The following PRR7 variants were observed in gnomAD, a reference collection of about 807,000 sequenced individuals.
PRR7 encodes the protein proline rich 7, synaptic, also known as proline-rich protein 7.
In PRR7, 8 loss-of-function variants were observed where a neutral mutation model predicts 18.5. That is an observed-to-expected ratio of 0.43 (90% CI 0.25 to 0.78). PRR7 has a LOEUF of 0.78. Among genes scored for constraint, PRR7 ranks in the 30% least tolerant of loss-of-function variants. The pLI, the probability that PRR7 is intolerant of heterozygous loss-of-function variation, is 0.22. For missense variants in PRR7, 396 were observed against 403.1 expected (o/e 0.98, Z 0.15); for synonymous variants, 221 against 187.7 (o/e 1.18, Z -1.45).
At chr5:177,453,535 T>C (rs987934963) in intron 1 of PRR7, among the ~76,000 whole-genome samples, 1 of 152,192 alleles carries the variant, frequency 6.6e-6, no homozygotes, top group Non-Finnish European at 1.5e-5. Context: ...AGGAGCCATC[T>C]GGGGAGAAGT....
rs57278748 is a variant in PRR7, at chr5:177,450,813, C to CG, written c.-324-3140dup. 2.5e-3 allele frequency among the ~76,000 whole-genome samples: 379 copies of CG among 152,310 alleles called. 3 individuals carry two copies. Among genetic ancestry groups the CG allele is most frequent in the African/African-American group, 7.7e-3 (321 of 41,566 alleles). The stretch of plus-strand genomic sequence containing the variant: ...TGGAAATTTGTTTAAAATGCAAACT[C>CG]GGGCCCCATCCTAGACCTACTGAAT... On this transcript the variant is annotated intron_variant, in intron 1 of 3. Transcript: ENST00000323249. This position sits in a 1 kb window ranked among gnomAD's most constrained non-coding sequence, Gnocchi z 6.6.
chr5:177,455,981 C>G lies in PRR7; in HGVS notation c.685C>G (p.Leu229Val), dbSNP rs1378600810. ...TCGGCCCGCGCCGCCCTGCCCAGCC[C>G]TCTGCCTGCAGGCCGACCGTGGCCG... ...APRPAPPCPA[L>V]CLQADRGRRV... The change falls in exon 4 of 4, where the codon CTC becomes GTC. Residue 229 changes from leucine to valine, a missense_variant. Around this residue, in one of 2 missense-constraint regions of PRR7, gnomAD observed 383 missense variants for 372.6 expected, o/e 1.03. Coordinates refer to ENST00000323249, the MANE Select transcript of PRR7 (RefSeq NM_030567.5). This position sits in a 1 kb window ranked among gnomAD's most constrained non-coding sequence, Gnocchi z 6.9. 5.7e-6 allele frequency: 9 copies of G among 1,590,078 alleles called. No homozygotes were observed. The Admixed American group carries it at 8.6e-5, about 15-fold the overall frequency.
At chr5:177,453,668 C>T (rs1756260497) in intron 1 of PRR7, among the ~76,000 whole-genome samples, 1 of 152,064 alleles carries the variant, frequency 6.6e-6, no homozygotes, top group African/African-American at 2.4e-5. Flanking sequence ...TGGAAGAGGC[C>T]CACAAAGTAG....
Position 177,449,617 on chromosome 5 carries a change from C to G in PRR7, c.-325+2657C>G, listed in dbSNP as rs770090031. 1.3e-5 allele frequency among the ~76,000 whole-genome samples: 2 copies of G among 152,202 alleles called. No individual in the cohort carries two copies. Among genetic ancestry groups the G allele is most frequent in the African/African-American group, 2.4e-5 (1 of 41,440 alleles). ...GGATGAAGGCACAGAGAGCCACAGGCTGAGGTTTCAGAGGAGGAACCTGGT... is the reference window on the plus strand; with the variant it reads ...GGATGAAGGCACAGAGAGCCACAGGGTGAGGTTTCAGAGGAGGAACCTGGT... On this transcript the variant is annotated intron_variant, in intron 1 of 3. Transcript: ENST00000323249. This position sits in a 1 kb window ranked among gnomAD's most constrained non-coding sequence, Gnocchi z 4.2.
Position 177,454,450 on chromosome 5 carries a change from C to G in PRR7, c.-239-379C>G, listed in dbSNP as rs1304313559. Among the ~76,000 whole-genome samples, 3 of 152,214 alleles carry G rather than the reference C, an allele frequency of 2.0e-5. No individual in the cohort carries two copies. Among genetic ancestry groups the G allele is most frequent in the Non-Finnish European group, 4.4e-5 (3 of 68,030 alleles). On this transcript the variant is annotated intron_variant, in intron 2 of 3. Coordinates refer to ENST00000323249, the MANE Select transcript of PRR7 (RefSeq NM_030567.5). The surrounding 1 kb of genome is among the most constrained non-coding windows in gnomAD (Gnocchi z 4.7). ...GATGTACCACCCTTTCCCCGCCGCA[C>G]AGCAACGGCGCCGAGACGCCTCTTC...
In PRR7 at chr5:177,455,967, C is replaced by G. The variant is rs775395167; in HGVS notation, c.671C>G (p.Pro224Arg). ...LHLPSAPRPA[P>R]PCPALCLQAD... ...CTGCCCAGCGCCCCTCGGCCCGCGC[C>G]GCCCTGCCCAGCCCTCTGCCTGCAG... The change falls in exon 4 of 4, where the codon CCG becomes CGG. Residue 224 changes from proline (P) to arginine (R), a missense_variant. Transcript: ENST00000323249. The surrounding 1 kb of genome is among the most constrained non-coding windows in gnomAD (Gnocchi z 6.9). The G allele has an allele frequency of 6.3e-7, 1 of 1,591,422 alleles. No individual in the cohort carries two copies. The highest frequency in any genetic ancestry group is 1.7e-5 in the Admixed American group (1 of 58,010).
Position 177,452,720 on chromosome 5 carries a change from C to T in PRR7, c.-324-1236C>T, listed in dbSNP as rs1390075524. On this transcript the variant is annotated intron_variant, in intron 1 of 3. Transcript: ENST00000323249. The stretch of plus-strand genomic sequence containing the variant: ...CCTAGTTTATAAAATGCAGCTATGA[C>T]GGCACCCAGCAGGTCCTGGGCGTGG... Among the ~76,000 whole-genome samples, 4 of 152,362 alleles carry T rather than the reference C, an allele frequency of 2.6e-5. No homozygotes were observed. In the South Asian group the frequency reaches 6.2e-4, roughly 24 times the overall value.
rs968062485 is a variant in PRR7 at position 177,454,235 on chromosome 5, C to T, written c.-240+195C>T. Reference sequence around the variant, plus strand: ...AGTGTGGCCCACGCCCGGCGCGGCGCGCTAGGCTCAGACAAAGGCAGGGCC... The same window carrying T: ...AGTGTGGCCCACGCCCGGCGCGGCGTGCTAGGCTCAGACAAAGGCAGGGCC... On this transcript the variant is annotated intron_variant, in intron 2 of 3. Coordinates refer to ENST00000323249, the MANE Select transcript of PRR7 (RefSeq NM_030567.5). This position sits in a 1 kb window ranked among gnomAD's most constrained non-coding sequence, Gnocchi z 4.7. Among the ~76,000 whole-genome samples the T allele has an allele frequency of 1.4e-4, 21 of 152,174 alleles. No homozygotes were observed. Among genetic ancestry groups the T allele is most frequent in the Admixed American group, 1.3e-3 (20 of 15,292 alleles).
In PRR7 at chr5:177,455,865, G is replaced by C. The variant is rs1467988485; in HGVS notation, c.569G>C (p.Ser190Thr). ...IVTPFLSRRDSAEKQEQPPPS... is the reference protein window; with the variant it reads ...IVTPFLSRRDTAEKQEQPPPS... Reference sequence around the variant, plus strand: ...ACGCCCTTCCTGAGTCGCCGCGACAGCGCGGAGAAGCAGGAGCAGCCGCCT... The same window carrying C: ...ACGCCCTTCCTGAGTCGCCGCGACACCGCGGAGAAGCAGGAGCAGCCGCCT... Residue 190 changes from serine to threonine, a missense_variant, in exon 4 of 4, where the codon AGC becomes ACC. By Grantham distance (58) the Ser-to-Thr change is moderately conservative. Around this residue, in one of 2 missense-constraint regions of PRR7, gnomAD observed 383 missense variants for 372.6 expected, o/e 1.03. Transcript: ENST00000323249. This position sits in a 1 kb window ranked among gnomAD's most constrained non-coding sequence, Gnocchi z 6.9. The C allele has an allele frequency of 1.2e-6, 2 of 1,611,640 alleles. No individual in the cohort carries two copies. The highest frequency in any genetic ancestry group is 1.7e-5 in the Admixed American group (1 of 60,014).
chr5:177,450,443 G>A lies in PRR7; in HGVS notation c.-325+3483G>A, dbSNP rs988601986. ...GGGTGATGGCTCTTCTCTGAGTGAC[G>A]TTTTGGTGAATGGCTGACATTTCCC... On this transcript the variant is annotated intron_variant, in intron 1 of 3. Coordinates refer to ENST00000323249, the MANE Select transcript of PRR7 (RefSeq NM_030567.5). The surrounding 1 kb of genome is among the most constrained non-coding windows in gnomAD (Gnocchi z 6.6). Among the ~76,000 whole-genome samples, 7 of 152,204 alleles carry A rather than the reference G, an allele frequency of 4.6e-5. No homozygotes were observed. The highest frequency in any genetic ancestry group is 1.0e-4 in the Non-Finnish European group (7 of 68,032).
rs1010776926 is a variant in PRR7 at position 177,455,527 on chromosome 5, G to A, written c.427+33G>A. ...CCGACCTCCGCCAGGGGGCGATCCG[G>A]GCCGCCGGAAGTGGGCGGGCGTTGG... is the stretch of plus-strand genomic sequence containing the variant. On this transcript the variant is annotated intron_variant, in intron 3 of 3. Coordinates refer to ENST00000323249, the MANE Select transcript of PRR7 (RefSeq NM_030567.5). The surrounding 1 kb of genome is among the most constrained non-coding windows in gnomAD (Gnocchi z 6.9). 4 of 1,449,498 alleles carry A rather than the reference G, an allele frequency of 2.8e-6. No homozygotes were observed. The highest frequency in any genetic ancestry group is 3.6e-6 in the Non-Finnish European group (4 of 1,111,744). The allele number at this position is 1,449,498 out of a possible 1,614,324, so 89.8% of individuals were successfully genotyped here.
Position 177,450,104 on chromosome 5 carries a change from C to T in PRR7, c.-325+3144C>T, listed in dbSNP as rs74576391. On this transcript the variant is annotated intron_variant, in intron 1 of 3. Transcript: ENST00000323249. The surrounding 1 kb of genome is among the most constrained non-coding windows in gnomAD (Gnocchi z 6.6). The stretch of plus-strand genomic sequence containing the variant: ...CCTTGTCTGTAGAGAGAACAGCAGC[C>T]ACCTCCTGAGTTTTCCTTAGATAAC... Among the ~76,000 whole-genome samples the T allele has an allele frequency of 3.3e-3, 505 of 152,252 alleles. 2 individuals are homozygous for T. The highest frequency in any genetic ancestry group is 0.012 in the African/African-American group (488 of 41,540).
intron 1 of PRR7, among the ~76,000 whole-genome samples, chr5:177,452,028 G>A (rs576042668): frequency 3.9e-5 from 6 of 152,304 alleles, no homozygotes; most frequent in African/African-American, 7.2e-5. Context: ...TCCCCCTGCC[G>A]TGCTCCCAGT....
Position 177,455,229 on chromosome 5 carries a change from A to G in PRR7, c.162A>G (p.Leu54=), listed in dbSNP as rs375714885. The part of the protein sequence containing the change: ...ERLREQNLRA[L]ELEPLELEGS... ...TGCGCGAGCAGAACCTGCGCGCCCTAGAGCTGGAGCCCCTCGAACTCGAGG... is the reference window on the plus strand; with the variant it reads ...TGCGCGAGCAGAACCTGCGCGCCCTGGAGCTGGAGCCCCTCGAACTCGAGG... Residue 54 remains leucine, a synonymous_variant, in exon 3 of 4, where the codon CTA becomes CTG. Coordinates refer to ENST00000323249, the MANE Select transcript of PRR7 (RefSeq NM_030567.5). This position sits in a 1 kb window ranked among gnomAD's most constrained non-coding sequence, Gnocchi z 6.9. The G allele has an allele frequency of 5.1e-6, 8 of 1,566,548 alleles. No individual in the cohort carries two copies. In the African/African-American group the frequency reaches 5.6e-5, roughly 11 times the overall value.
Position 177,455,463 on chromosome 5 carries a change from G to A in PRR7, c.396G>A (p.Val132=). 2 of 1,505,530 alleles carry A rather than the reference G, an allele frequency of 1.3e-6. No individual in the cohort carries two copies. Among genetic ancestry groups the A allele is most frequent in the East Asian group, 2.7e-5 (1 of 36,836 alleles). 93.3% of individuals were successfully genotyped at this position (1,505,530 alleles called of 1,614,324 possible). A position where few individuals can be genotyped will look rare whatever the true frequency, so the allele number is the denominator to read the frequency against. The change falls in exon 3 of 4, where the codon GTG becomes GTA. Residue 132 remains valine, a synonymous_variant. Coordinates refer to ENST00000323249, the MANE Select transcript of PRR7 (RefSeq NM_030567.5). The surrounding 1 kb of genome is among the most constrained non-coding windows in gnomAD (Gnocchi z 6.9). ...ACCCGCCGCCTACGCACCTGTCGGT[G>A]CCGCCACGGCCCTGGAGCTACCCGC... ...LPHPPPTHLS[V]PPRPWSYPRQ... is the part of the protein sequence containing the mutation.
chr5:177,455,564 C>T lies in PRR7; in HGVS notation c.427+70C>T. The T allele has an allele frequency of 1.4e-6, 2 of 1,424,606 alleles. No individual in the cohort carries two copies. The highest frequency in any genetic ancestry group is 1.8e-6 in the Non-Finnish European group (2 of 1,098,308). 88.2% of individuals were successfully genotyped at this position (1,424,606 alleles called of 1,614,324 possible). A position where few individuals can be genotyped will look rare whatever the true frequency, so the allele number is the denominator to read the frequency against. On this transcript the variant is annotated intron_variant, in intron 3 of 3. Coordinates refer to ENST00000323249, the MANE Select transcript of PRR7 (RefSeq NM_030567.5). This position sits in a 1 kb window ranked among gnomAD's most constrained non-coding sequence, Gnocchi z 6.9. ...TGGGCGGGCGTTGGAGGGCTCGCTG[C>T]TTACCCTCAGGGCTTCCATCCGCAG...
upstream of PRR7, chr5:177,446,254 G>T: frequency 6.6e-6 from 1 of 152,466 alleles, no homozygotes. The surrounding 1 kb of genome is among the most constrained non-coding windows in gnomAD (Gnocchi z 5.3). Context: ...GGGGAGGCAT[G>T]TCCACGGAGG....
chr5:177,456,029 G>A lies in PRR7; in HGVS notation c.733G>A (p.Asp245Asn), dbSNP rs1201137289. ...RGRRVFPSWTDSELSSREPLE... is the reference protein window; with the variant it reads ...RGRRVFPSWTNSELSSREPLE... ...CCGCCGGGTCTTCCCCAGCTGGACC[G>A]ACTCAGAGCTCAGCAGCCGCGAGCC... The change falls in exon 4 of 4, where the codon GAC (aspartate) becomes AAC (asparagine). Residue 245 changes from aspartate (D) to asparagine (N), a missense_variant. This residue lies in a region of PRR7 where 383 missense variants were observed against 372.6 expected (regional missense o/e 1.03). Transcript: ENST00000323249. 3.2e-6 allele frequency: 5 copies of A among 1,578,708 alleles called. No homozygotes were observed. Among genetic ancestry groups the A allele is most frequent in the Non-Finnish European group, 4.3e-6 (5 of 1,168,088 alleles).
In PRR7 at chr5:177,455,891, C is replaced by T. The variant is rs771256373; in HGVS notation, c.595C>T (p.Pro199Ser). Reference sequence around the variant, plus strand: ...CGCGGAGAAGCAGGAGCAGCCGCCTCCCAGCTACAAGCCGCTCTTCCTGGA... The same window carrying T: ...CGCGGAGAAGCAGGAGCAGCCGCCTTCCAGCTACAAGCCGCTCTTCCTGGA... ...DSAEKQEQPP[P>S]SYKPLFLDRG... The change falls in exon 4 of 4, where the codon CCC becomes TCC. Residue 199 changes from proline (P) to serine (S), a missense_variant. Physicochemically the swap from Pro to Ser is moderately conservative, Grantham distance 74. This residue lies in a region of PRR7 where 383 missense variants were observed against 372.6 expected (regional missense o/e 1.03). Coordinates refer to ENST00000323249, the MANE Select transcript of PRR7 (RefSeq NM_030567.5). The surrounding 1 kb of genome is among the most constrained non-coding windows in gnomAD (Gnocchi z 6.9). 2.5e-6 allele frequency: 4 copies of T among 1,610,492 alleles called. No homozygotes were observed. Among genetic ancestry groups the T allele is most frequent in the Admixed American group, 3.3e-5 (2 of 59,984 alleles).
Sources: allele counts gnomAD v4.1 joint callset (sites outside exome capture counted in the v4.1 genomes callset), GRCh38; gene constraint gnomAD v4.1.1; regional missense constraint gnomAD v4.1.1; non-coding constraint Gnocchi (gnomAD v3.1); transcripts MANE v1.5; gene names NCBI Gene and HGNC (gene_info 2026-07-23, HGNC 2026-07-21).